The following MGAT4C variants were observed in gnomAD, a reference collection of about 807,000 sequenced individuals.
MGAT4C encodes alpha-1,3-mannosyl-glycoprotein 4-beta-N-acetylglucosaminyltransferase C.
MGAT4C carries 19 observed loss-of-function variants against 40.1 expected under a neutral mutation model. The ratio of observed to expected loss-of-function variants is 0.47; its 90% CI spans 0.33 to 0.70. The LOEUF (loss-of-function observed/expected upper bound fraction) is 0.70. Among genes scored for constraint, MGAT4C ranks in the 30% least tolerant of loss-of-function variants. The pLI, the probability that MGAT4C is intolerant of heterozygous loss-of-function variation, is 0.02. For synonymous variants in MGAT4C, 181 were observed against 187.1 expected (o/e 0.97, Z 0.27); for missense variants, 491 against 563.2 (o/e 0.87, Z 1.30).
At chr12:86,648,221 A>C (rs925056131) in intron 2 of MGAT4C, among the ~76,000 whole-genome samples, 1 of 151,896 alleles carries the variant, frequency 6.6e-6, no homozygotes, top group Middle Eastern at 3.2e-3. Flanking sequence ...TGTGGAGAAA[A>C]AATATTGTTT....
rs1883930711 is a variant in MGAT4C, at chr12:85,975,765, G to T, written c.*3524C>A. ...AAACCCCCCAAAATCAGTTGAATTTGTACAAAACGGTAAATCATTTTATCA... is the reference window on the plus strand; with the variant it reads ...AAACCCCCCAAAATCAGTTGAATTTTTACAAAACGGTAAATCATTTTATCA... On this transcript the variant is annotated 3_prime_UTR_variant, in exon 5 of 5. Transcript: ENST00000611864. The T allele has an allele frequency of 2.0e-5, 3 of 151,034 alleles. No homozygotes were observed. Among genetic ancestry groups the T allele is most frequent in the Non-Finnish European group, 4.5e-5 (3 of 67,144 alleles). The allele number at this position is 151,034 out of a possible 1,614,324, so 9.4% of individuals were successfully genotyped here.
At chr12:86,748,932 T>C (rs1565963294) in intron 1 of MGAT4C, among the ~76,000 whole-genome samples, 2 of 150,344 alleles carry the variant, frequency 1.3e-5, no homozygotes, top group Non-Finnish European at 3.0e-5. Context: ...GAAAGGAATA[T>C]ATTTTCTTTT....
chr12:86,429,488 G>C (rs1254013780), intron 3 of MGAT4C, among the ~76,000 whole-genome samples: 1 of 152,094 alleles, frequency 6.6e-6, no homozygotes, highest in Non-Finnish European at 1.5e-5. Context: ...TAAATCTAAA[G>C]TGTTGTTCAA....
In MGAT4C at chr12:86,509,080, C is replaced by T. The variant is rs546114193; in HGVS notation, c.-228-73815G>A. 1.9e-3 allele frequency among the ~76,000 whole-genome samples: 291 copies of T among 152,098 alleles called. 8 individuals are homozygous for T. The South Asian group carries it at 0.059, about 31-fold the overall frequency. Reference sequence around the variant, plus strand: ...TTTAGTTTAATTAGATCCCATTTGTCAATTTTGTCTTTTGTTGCCATTGCT... The same window carrying T: ...TTTAGTTTAATTAGATCCCATTTGTTAATTTTGTCTTTTGTTGCCATTGCT... On this transcript the variant is annotated intron_variant, in intron 2 of 7. Coordinates refer to the MGAT4C transcript ENST00000548651.
intron 1 of MGAT4C, among the ~76,000 whole-genome samples, chr12:86,232,527 C>T (rs1267758767): frequency 3.9e-5 from 6 of 152,158 alleles, no homozygotes; most frequent in Admixed American, 3.9e-4. Flanking sequence ...TATTTATTCT[C>T]TCTCACCTTC....
chr12:86,737,529 T>C (rs1951006108), intron 1 of MGAT4C, among the ~76,000 whole-genome samples: 1 of 151,360 alleles, frequency 6.6e-6, no homozygotes, highest in Non-Finnish European at 1.5e-5. Flanking sequence ...CCCTAAGTGA[T>C]TTCATCCAGT....
At chr12:86,684,285 G>A (rs1202872173) in intron 2 of MGAT4C, among the ~76,000 whole-genome samples, 1 of 152,128 alleles carries the variant, frequency 6.6e-6, no homozygotes, top group Non-Finnish European at 1.5e-5. Flanking sequence ...TGTGGTGTTT[G>A]GTTTTCTGTT....
chr12:86,654,118 T>A (rs1963775006), intron 2 of MGAT4C, among the ~76,000 whole-genome samples: 1 of 151,954 alleles, frequency 6.6e-6, no homozygotes, highest in Admixed American at 6.6e-5. Flanking sequence ...CTTCCACAAT[T>A]TTAATCACTG....
intron 1 of MGAT4C, among the ~76,000 whole-genome samples, chr12:86,109,210 A>G (rs1876765731): frequency 6.6e-6 from 1 of 152,112 alleles, no homozygotes; most frequent in Non-Finnish European, 1.5e-5. Flanking sequence ...AAATTGTTCT[A>G]TTTGTGTCTT....
At chr12:86,461,432 A>C (rs1957599387) in intron 2 of MGAT4C, among the ~76,000 whole-genome samples, 1 of 151,918 alleles carries the variant, frequency 6.6e-6, no homozygotes, top group Non-Finnish European at 1.5e-5. Context: ...TTTTTAGTAG[A>C]GACGGGGTTT....
intron 1 of MGAT4C, among the ~76,000 whole-genome samples, chr12:86,172,080 A>C (rs1008810684): frequency 2.6e-5 from 4 of 152,158 alleles, no homozygotes; most frequent in African/African-American, 7.2e-5. Context: ...CCTCTGGTAC[A>C]ATTAGAGTAA....
chr12:86,609,277 A>T (rs1482677304), intron 2 of MGAT4C, among the ~76,000 whole-genome samples: 2 of 152,150 alleles, frequency 1.3e-5, no homozygotes, highest in African/African-American at 4.8e-5. Flanking sequence ...GACTGTTTGC[A>T]AAGTTAAACG....
intron 1 of MGAT4C, among the ~76,000 whole-genome samples, chr12:86,738,586 T>C (rs917383631): frequency 1.3e-5 from 2 of 151,332 alleles, no homozygotes; most frequent in Non-Finnish European, 3.0e-5. Context: ...GTTGCAAGTA[T>C]GAAATTCAGT....
chr12:86,642,862 A>T (rs1963430974), intron 2 of MGAT4C, among the ~76,000 whole-genome samples: 1 of 151,756 alleles, frequency 6.6e-6, no homozygotes, highest in Non-Finnish European at 1.5e-5. Flanking sequence ...AATAAAAAAG[A>T]CAGAAGATAA....
At chr12:86,526,692 A>C (rs1466079472) in intron 2 of MGAT4C, among the ~76,000 whole-genome samples, 1 of 152,136 alleles carries the variant, frequency 6.6e-6, no homozygotes, top group Non-Finnish European at 1.5e-5. Flanking sequence ...TTTCCCTAGG[A>C]CTAAAGTCTC....
At chr12:86,516,851 T>C (rs1341528724) in intron 2 of MGAT4C, among the ~76,000 whole-genome samples, 1 of 152,160 alleles carries the variant, frequency 6.6e-6, no homozygotes, top group East Asian at 1.9e-4. Context: ...CCCATTATAA[T>C]AGCTTAAAAA....
At chr12:86,563,197 G>A (rs546990352) in intron 2 of MGAT4C, among the ~76,000 whole-genome samples, 42 of 152,278 alleles carry the variant, frequency 2.8e-4, no homozygotes, top group African/African-American at 9.9e-4. Context: ...TCTAACAGTG[G>A]GAACCATAGT....
chr12:86,365,904 G>T (rs1955582998), intron 3 of MGAT4C, among the ~76,000 whole-genome samples: 1 of 152,054 alleles, frequency 6.6e-6, no homozygotes, highest in African/African-American at 2.4e-5. Flanking sequence ...TTTTAGAATA[G>T]GTTTTTCTAG....
At chr12:86,411,947 A>G (rs989052857) in intron 3 of MGAT4C, among the ~76,000 whole-genome samples, 19 of 152,100 alleles carry the variant, frequency 1.2e-4, no homozygotes, top group African/African-American at 4.6e-4. Flanking sequence ...AGGGGCCCCA[A>G]AATTTCTCAG....
Sources: allele counts gnomAD v4.1 joint callset (sites outside exome capture counted in the v4.1 genomes callset), GRCh38; gene constraint gnomAD v4.1.1; transcripts MANE v1.5; gene names NCBI Gene and HGNC (gene_info 2026-07-23, HGNC 2026-07-21).